Variants in DHCR7 observed in about 807,000 individuals in gnomAD.
DHCR7 encodes 7-dehydrocholesterol reductase.
Under a neutral mutation model 43.3 loss-of-function variants are expected in DHCR7, and 40 were observed. The observed-to-expected ratio is 0.92, with a 90% confidence interval of 0.72 to 1.20. The LOEUF (loss-of-function observed/expected upper bound fraction) is 1.20. Ranked by LOEUF, DHCR7 falls within the 50% of genes most tolerant of loss-of-function variation. The pLI, the probability that DHCR7 is intolerant of heterozygous loss-of-function variation, is 0.00. For missense variants in DHCR7, 608 were observed against 644.6 expected, an observed-to-expected ratio of 0.94 and a Z score of 0.62; for synonymous variants, 298 against 271.4, an observed-to-expected ratio of 1.10 and a Z score of -0.96.
chr11:71,442,371 C>G lies in DHCR7; in HGVS notation c.322-18G>C. On this transcript the variant is annotated intron_variant, in intron 4 of 8. Coordinates refer to ENST00000355527, the MANE Select transcript of DHCR7 (RefSeq NM_001360.3). ...AGAAGCACCTGAAACACACAAGCAG[C>G]CTGATCACCCCCCGCCTGGAGGGCA... 1 of 1,596,216 alleles carries G rather than the reference C, an allele frequency of 6.3e-7. No individual in the cohort carries two copies. Among genetic ancestry groups the G allele is most frequent in the Non-Finnish European group, 8.6e-7 (1 of 1,164,264 alleles).
At chr11:71,441,551 G>T in intron 5 of DHCR7, 111 bp from the exon 6 acceptor site, 1 of 935,134 alleles carries the variant, frequency 1.1e-6, no homozygotes, top group Non-Finnish European at 1.7e-6. Flanking sequence ...GGCCTCTGCT[G>T]CTGCGGACCC....
At chr11:71,438,495 G>A (rs916975334) in intron 7 of DHCR7, among the ~76,000 whole-genome samples, 2 of 152,132 alleles carry the variant, frequency 1.3e-5, no homozygotes, top group African/African-American at 2.4e-5. Flanking sequence ...GTCAGGATGC[G>A]GGATGTTTCT....
chr11:71,435,764 C>A lies in DHCR7; in HGVS notation c.1039G>T (p.Gly347Cys). The change falls in exon 9 of 9, where the codon GGC becomes TGC. Residue 347 changes from glycine to cysteine, a missense_variant. Physicochemically the swap from Gly to Cys is radical, Grantham distance 159 (BLOSUM62 -3). Transcript: ENST00000355527. Reference sequence around the variant, plus strand: ...TTGGCCACCCGGAAGATGTAGTAGCCCACCAGGCCCAGCAGCAGGACGCCC... The same window carrying A: ...TTGGCCACCCGGAAGATGTAGTAGCACACCAGGCCCAGCAGCAGGACGCCC... Reference protein sequence around the residue: ...AVGVLLLGLVGYYIFRVANHQ... With the variant: ...AVGVLLLGLVCYYIFRVANHQ... 1 of 1,610,022 alleles carries A rather than the reference C, an allele frequency of 6.2e-7. No homozygotes were observed. The highest frequency in any genetic ancestry group is 8.5e-7 in the Non-Finnish European group (1 of 1,177,424).
intron 3 of DHCR7, among the ~76,000 whole-genome samples, chr11:71,444,594 C>T (rs1030284941): frequency 3.9e-5 from 6 of 152,302 alleles, no homozygotes; most frequent in South Asian, 2.1e-4. Flanking sequence ...GTCATACCCC[C>T]AGATGGTGGG....
chr11:71,432,962 G>A (rs746609284), downstream of DHCR7, among the ~76,000 whole-genome samples: 1 of 152,220 alleles, frequency 6.6e-6, no homozygotes, highest in Non-Finnish European at 1.5e-5. Context: ...CCTCGCTTTC[G>A]AAGGTTGAGG....
chr11:71,441,330 C>T lies in DHCR7; in HGVS notation c.523G>A (p.Asp175Asn), dbSNP rs368269558. Residue 175 changes from aspartate to asparagine, a missense_variant, in exon 6 of 9, where the codon GAC becomes AAC. Physicochemically the swap from Asp to Asn is conservative, Grantham distance 23. Coordinates refer to ENST00000355527, the MANE Select transcript of DHCR7 (RefSeq NM_001360.3). The part of the protein sequence containing the change: ...LSWFSPTIIF[D>N]NWIPLLWCAN... ...CACCACAGCAGTGGGATCCAGTTGT[C>T]GAAGATGATGGTGGGCGAGAACCAG... The T allele has an allele frequency of 6.8e-6, 11 of 1,614,064 alleles. No individual in the cohort carries two copies. Among genetic ancestry groups the T allele is most frequent in the Admixed American group, 1.7e-5 (1 of 60,006 alleles).
downstream of DHCR7, among the ~76,000 whole-genome samples, chr11:71,430,499 G>GGTGGTGGTGTGGTGGT (rs59395370): frequency 6.6e-6 from 1 of 151,440 alleles, no homozygotes; most frequent in African/African-American, 2.4e-5. Context: ...GCCATTTGTG[G>GGTGGTGGTGTGGTGGT]GTGGTGGTGT....
At chr11:71,433,482 C>A (rs1949241047), downstream of DHCR7, among the ~76,000 whole-genome samples, 1 of 152,240 alleles carries the variant, frequency 6.6e-6, no homozygotes, top group East Asian at 1.9e-4. Flanking sequence ...CTAACCTCAG[C>A]CAATTCAGAG....
At chr11:71,438,633 C>A in intron 7 of DHCR7, 1 of 583,220 alleles carries the variant, frequency 1.7e-6, no homozygotes, top group Non-Finnish European at 3.1e-6. Flanking sequence ...CCAAGGGAGA[C>A]CTTCCTGGAC....
intron 5 of DHCR7, among the ~76,000 whole-genome samples, chr11:71,442,005 G>A (rs990612032): frequency 2.6e-5 from 4 of 152,234 alleles, no homozygotes; most frequent in African/African-American, 9.6e-5. Flanking sequence ...CATGGGCCGA[G>A]TGCATCCCCT....
At chr11:71,442,875 G>T (rs1425559873) in intron 4 of DHCR7, among the ~76,000 whole-genome samples, 2 of 152,166 alleles carry the variant, frequency 1.3e-5, no homozygotes, top group Non-Finnish European at 2.9e-5. Flanking sequence ...CATTTACATG[G>T]TTGGTTGTAC....
chr11:71,435,337 C>T lies in DHCR7; in HGVS notation c.*38G>A. ...CCCCATGGACCTGGCAGAACACGCT[C>T]TTGACAGCCCCACAGGGCTTCTCCC... On this transcript the variant is annotated 3_prime_UTR_variant, in exon 9 of 9. Transcript: ENST00000355527. 6.2e-7 allele frequency: 1 copy of T among 1,604,302 alleles called. No individual in the cohort carries two copies. Among genetic ancestry groups the T allele is most frequent in the South Asian group, 1.1e-5 (1 of 90,954 alleles).
At position 71,439,015 on chromosome 11, in the gene DHCR7, C is replaced by T; in HGVS notation, c.695G>A (p.Trp232Ter). The T allele has an allele frequency of 1.2e-6, 2 of 1,614,120 alleles. No homozygotes were observed. The highest frequency in any genetic ancestry group is 1.7e-6 in the Non-Finnish European group (2 of 1,180,046). ...ATTGAAGAACAGCTTGAAGTCAAAC[C>T]ACTTCCCGATCCGAGGGTTAAACTC... The part of the protein sequence containing the change: ...GIEFNPRIGK[W>*]FDFKLFFNGR... Residue 232 changes from tryptophan (W) to a stop codon, truncating the protein, a stop_gained, in exon 7 of 9, where the codon TGG becomes TAG. Transcript: ENST00000355527. LOFTEE classifies it high-confidence loss of function.
At chr11:71,443,302 G>A (rs913419158) in intron 4 of DHCR7, among the ~76,000 whole-genome samples, 2 of 152,186 alleles carry the variant, frequency 1.3e-5, no homozygotes, top group African/African-American at 2.4e-5. Context: ...GAAGTATTCT[G>A]GAGCCCAGAA....
At position 71,435,851 on chromosome 11, in the gene DHCR7, G is replaced by C; in HGVS notation, c.964-12C>G. 1 of 1,593,444 alleles carries C rather than the reference G, an allele frequency of 6.3e-7. No individual in the cohort carries two copies. Among genetic ancestry groups the C allele is most frequent in the Non-Finnish European group, 8.5e-7 (1 of 1,171,216 alleles). On this transcript the variant is annotated splice_polypyrimidine_tract_variant and intron_variant, in intron 8 of 8. Transcript: ENST00000355527. ...ACCAAGTACAGACCCTGGGGGGCGA[G>C]GGGGAAGGGGTCAAGCGGTGCTTTG...
chr11:71,438,858 C>G (rs1372489386), intron 7 of DHCR7, 21 bp downstream of exon 7: 2 of 1,612,770 alleles, frequency 1.2e-6, no homozygotes, highest in African/African-American at 2.7e-5. Flanking sequence ...GCGTTTCACC[C>G]TCTCCAGCCA....
intron 3 of DHCR7, 67 bp downstream of exon 3, chr11:71,444,788 T>C: frequency 6.9e-6 from 10 of 1,455,582 alleles, no homozygotes; most frequent in Non-Finnish European, 9.7e-6. Context: ...TCCATACAAT[T>C]CCAAAGGCTG....
downstream of DHCR7, among the ~76,000 whole-genome samples, chr11:71,431,892 G>A (rs147998267): frequency 0.015 from 2,295 of 152,218 alleles, 50 homozygotes; most frequent in African/African-American, 0.053. Flanking sequence ...GCACAATCAC[G>A]GTCCACTACA....
rs752603560 is a variant in DHCR7 at position 71,441,284 on chromosome 11, G to A, written c.569C>T (p.Ala190Val). 2.5e-6 allele frequency: 4 copies of A among 1,614,230 alleles called. No homozygotes were observed. Among genetic ancestry groups the A allele is most frequent in the Non-Finnish European group, 3.4e-6 (4 of 1,180,042 alleles). The change falls in exon 6 of 9, where the codon GCC (alanine) becomes GTC (valine). Residue 190 changes from alanine to valine, a missense_variant. Physicochemically the swap from Ala to Val is moderately conservative, Grantham distance 64. Coordinates refer to ENST00000355527, the MANE Select transcript of DHCR7 (RefSeq NM_001360.3). Reference sequence around the variant, plus strand: ...CTTGACCATGGCGAAGGTGGAGACGGCATAGCCAAGGATGTTGGCGCACCA... The same window carrying A: ...CTTGACCATGGCGAAGGTGGAGACGACATAGCCAAGGATGTTGGCGCACCA... ...LLWCANILGY[A>V]VSTFAMVKGY...
Sources: allele counts gnomAD v4.1 joint callset (sites outside exome capture counted in the v4.1 genomes callset), GRCh38; gene constraint gnomAD v4.1.1; transcripts MANE v1.5; gene names NCBI Gene and HGNC (gene_info 2026-07-23, HGNC 2026-07-21).